CPQ: variants seen among roughly 807,000 people sequenced by gnomAD.
CPQ encodes the protein Ser-Met dipeptidase.
Under a neutral mutation model 45.7 loss-of-function variants are expected in CPQ, and 37 were observed. The observed-to-expected ratio is 0.81, with a 90% CI of 0.62 to 1.07. The LOEUF is 1.07. Ranked by LOEUF, CPQ falls within the 50% of genes least tolerant of loss-of-function variation. The pLI is 0.00. For missense variants in CPQ, 537 were observed against 572.9 expected (o/e 0.94, Z 0.64); for synonymous variants, 186 against 205.8 (o/e 0.90, Z 0.82).
intron 6 of CPQ, among the ~76,000 whole-genome samples, chr8:97,050,653 C>T (rs1263422390): frequency 6.6e-6 from 1 of 152,020 alleles, no homozygotes; most frequent in East Asian, 1.9e-4. Flanking sequence ...TTGCGTGAGC[C>T]CAGGGTTTGT....
chr8:96,694,976 T>C (rs946758213), intron 1 of CPQ, among the ~76,000 whole-genome samples: 2 of 152,024 alleles, frequency 1.3e-5, no homozygotes, highest in African/African-American at 4.8e-5. Context: ...GAGCCCGCAT[T>C]GCCAAGTCAA....
intron 3 of CPQ, among the ~76,000 whole-genome samples, chr8:96,861,354 G>T (rs1351692643): frequency 6.6e-6 from 1 of 152,138 alleles, no homozygotes; most frequent in Non-Finnish European, 1.5e-5. Flanking sequence ...AGTGAAAAGG[G>T]CAAGAAGTTA....
At chr8:96,925,146 A>T (rs547464031) in intron 4 of CPQ, among the ~76,000 whole-genome samples, 1 of 152,204 alleles carries the variant, frequency 6.6e-6, no homozygotes, top group African/African-American at 2.4e-5. Flanking sequence ...TCAAACACCT[A>T]TCAGGTTATG....
intron 5 of CPQ, among the ~76,000 whole-genome samples, chr8:96,973,570 G>A (rs980450454): frequency 2.6e-5 from 4 of 152,098 alleles, no homozygotes; most frequent in African/African-American, 4.8e-5. Flanking sequence ...ATAGTCATCA[G>A]GTTAACTAAA....
chr8:97,088,035 TAAAG>T (rs927026152), intron 7 of CPQ, among the ~76,000 whole-genome samples: 1 of 152,132 alleles, frequency 6.6e-6, no homozygotes, highest in Non-Finnish European at 1.5e-5. Context: ...AGGTTAAAAA[TAAAG>T]AGAAACAAGA....
intron 6 of CPQ, among the ~76,000 whole-genome samples, chr8:97,039,233 C>G (rs1251347446): frequency 6.6e-6 from 1 of 152,036 alleles, no homozygotes; most frequent in African/African-American, 2.4e-5. Context: ...AGAACAGAAC[C>G]CTTTATAAAG....
chr8:96,705,648 T>C (rs1040371182), intron 1 of CPQ, among the ~76,000 whole-genome samples: 2 of 152,134 alleles, frequency 1.3e-5, no homozygotes, highest in African/African-American at 4.8e-5. Flanking sequence ...TGGTGTCTAC[T>C]TCATCACTTT....
chr8:97,099,882 T>C (rs1021479116), intron 7 of CPQ, among the ~76,000 whole-genome samples: 29 of 152,232 alleles, frequency 1.9e-4, no homozygotes, highest in African/African-American at 6.8e-4. Flanking sequence ...TAGATTTTTC[T>C]AGAGTTAGAA....
intron 4 of CPQ, among the ~76,000 whole-genome samples, chr8:96,898,183 T>G (rs1486443705): frequency 6.6e-6 from 1 of 152,096 alleles, no homozygotes; most frequent in African/African-American, 2.4e-5. Flanking sequence ...TAGATGAGAT[T>G]GGGGCTGAGT....
At chr8:96,651,519 A>T (rs1371519219) in intron 1 of CPQ, among the ~76,000 whole-genome samples, 1 of 152,214 alleles carries the variant, frequency 6.6e-6, no homozygotes, top group African/African-American at 2.4e-5. Context: ...AACATGTAAA[A>T]CTAATGATTA....
At chr8:96,816,690 G>A (rs577263859) in intron 2 of CPQ, among the ~76,000 whole-genome samples, 1 of 152,092 alleles carries the variant, frequency 6.6e-6, no homozygotes, top group Non-Finnish European at 1.5e-5. Flanking sequence ...TTTGATCCAT[G>A]GGCTTCAGAT....
At chr8:97,030,266 G>A (rs906477956) in intron 6 of CPQ, among the ~76,000 whole-genome samples, 11 of 152,174 alleles carry the variant, frequency 7.2e-5, no homozygotes, top group Admixed American at 7.2e-4. Context: ...CTGCTGGATG[G>A]TTTCCCCTGA....
intron 7 of CPQ, among the ~76,000 whole-genome samples, chr8:97,119,342 A>AG (rs1225551550): frequency 4.0e-5 from 6 of 151,524 alleles, no homozygotes; most frequent in Admixed American, 1.3e-4. Flanking sequence ...AAAAAAAAAA[A>AG]AAAAAAAAGA....
At position 96,965,969 on chromosome 8, in the gene CPQ, A is replaced by C. The variant is rs762695586; in HGVS notation, c.884A>C (p.Asp295Ala). The change falls in exon 5 of 8, where the codon GAT becomes GCT. Residue 295 changes from aspartate to alanine, a missense_variant. Coordinates refer to ENST00000220763, the MANE Select transcript of CPQ (RefSeq NM_016134.4). ...VLVSGHLDSWDVGQGAMDDGG... is the reference protein window; with the variant it reads ...VLVSGHLDSWAVGQGAMDDGG... The stretch of plus-strand genomic sequence containing the variant: ...GTCAGTGGACATCTGGACAGCTGGG[A>C]TGTTGGGCAGGGTGCCATGGATGAT... 4 of 1,613,876 alleles carry C rather than the reference A, an allele frequency of 2.5e-6. No homozygotes were observed. The South Asian group carries it at 4.4e-5, about 18-fold the overall frequency.
In CPQ at chr8:96,835,072, T is replaced by C; in HGVS notation, c.533T>C (p.Ile178Thr). ...ATTGTTGTTTATAACCAACCTTACA[T>C]CAACTACTCAAGGACGGTGCAATAC... The part of the protein sequence containing the change: ...GKIVVYNQPY[I>T]NYSRTVQYRT... Residue 178 changes from isoleucine to threonine, a missense_variant, in exon 3 of 8, where the codon ATC becomes ACC. By Grantham distance (89) the Ile-to-Thr change is moderately conservative. Transcript: ENST00000220763. 2.5e-6 allele frequency: 4 copies of C among 1,613,466 alleles called. No homozygotes were observed. The highest frequency in any genetic ancestry group is 2.5e-6 in the Non-Finnish European group (3 of 1,179,696).
At chr8:96,655,971 C>A (rs1815633382) in intron 1 of CPQ, among the ~76,000 whole-genome samples, 1 of 152,182 alleles carries the variant, frequency 6.6e-6, no homozygotes, top group African/African-American at 2.4e-5. Flanking sequence ...TCTCCCACCT[C>A]AGCCTCTTGA....
chr8:97,039,439 T>A (rs115568209), intron 6 of CPQ, among the ~76,000 whole-genome samples: 2,888 of 152,094 alleles, frequency 0.019, 97 homozygotes, highest in African/African-American at 0.066. Flanking sequence ...CTTTCCTTTT[T>A]AATATTAAAC....
chr8:97,119,328 C>CAAAAAAAAAAAAAAAAAAAAAAAAAAAA, intron 7 of CPQ, among the ~76,000 whole-genome samples: 1 of 72,328 alleles, frequency 1.4e-5, no homozygotes, highest in Non-Finnish European at 2.8e-5. Context: ...GACTCCATCT[C>CAAAAAAAAAAAAAAAAAAAAAAAAAAAA]AAAAAAAAAA....
chr8:97,110,994 C>T (rs1304551548), intron 7 of CPQ, among the ~76,000 whole-genome samples: 1 of 152,174 alleles, frequency 6.6e-6, no homozygotes, highest in African/African-American at 2.4e-5. Context: ...GCAAGTGATA[C>T]AAATTATTGG....
Sources: gnomAD v4.1 joint callset for allele counts (sites outside exome capture counted in the v4.1 genomes callset) on GRCh38, gnomAD v4.1.1 for gene constraint, MANE v1.5 for transcripts, NCBI Gene and HGNC (gene_info 2026-07-23, HGNC 2026-07-21) for gene names.